The following ARHGAP15 variants were observed in gnomAD, a reference collection of about 807,000 sequenced individuals.
The protein encoded by ARHGAP15 is Rho GTPase activating protein 15.
In ARHGAP15, 51 loss-of-function variants were observed where a neutral mutation model predicts 63.7. That is an observed-to-expected ratio of 0.80 (90% confidence interval 0.64 to 1.01). The LOEUF (loss-of-function observed/expected upper bound fraction) is 1.01. Among genes scored for constraint, ARHGAP15 ranks in the 50% least tolerant of loss-of-function variants. ARHGAP15 has a pLI of 0.00. For missense variants in ARHGAP15, 560 were observed against 564.6 expected, an observed-to-expected ratio of 0.99 and a Z score of 0.08; for synonymous variants, 191 against 193.8, an observed-to-expected ratio of 0.99 and a Z score of 0.12.
chr2:143,280,650 CA>C (rs1275304969), intron 6 of ARHGAP15, among the ~76,000 whole-genome samples: 2 of 152,120 alleles, frequency 1.3e-5, no homozygotes, highest in Non-Finnish European at 2.9e-5. Flanking sequence ...CTTCATTCAT[CA>C]AAATGTATTA....
chr2:143,549,357 A>T (rs542490566), intron 10 of ARHGAP15, among the ~76,000 whole-genome samples: 1 of 152,344 alleles, frequency 6.6e-6, no homozygotes, highest in South Asian at 2.1e-4. Context: ...AAAAGGTGCC[A>T]TCAGCAGATG....
At chr2:143,689,508 A>G (rs978158735) in intron 12 of ARHGAP15, among the ~76,000 whole-genome samples, 1 of 152,180 alleles carries the variant, frequency 6.6e-6, no homozygotes, top group Non-Finnish European at 1.5e-5. Context: ...AAATGTAGAA[A>G]TGTATGCAAC....
At chr2:143,287,326 G>A (rs753964047) in intron 6 of ARHGAP15, among the ~76,000 whole-genome samples, 2 of 152,156 alleles carry the variant, frequency 1.3e-5, no homozygotes, top group Non-Finnish European at 2.9e-5. Context: ...CTTAGGACAA[G>A]CGCTTTCTTC....
At chr2:143,523,720 C>A (rs1694150985) in intron 10 of ARHGAP15, among the ~76,000 whole-genome samples, 1 of 152,070 alleles carries the variant, frequency 6.6e-6, no homozygotes, top group Non-Finnish European at 1.5e-5. Flanking sequence ...GATTAGCATT[C>A]ATTTGGAATA....
At chr2:143,308,010 T>C (rs536590986) in intron 6 of ARHGAP15, among the ~76,000 whole-genome samples, 1 of 152,228 alleles carries the variant, frequency 6.6e-6, no homozygotes, top group African/African-American at 2.4e-5. Flanking sequence ...CACAACCTCT[T>C]TCCTCAAACA....
intron 6 of ARHGAP15, among the ~76,000 whole-genome samples, chr2:143,304,317 A>C (rs1157122287): frequency 6.6e-6 from 1 of 152,164 alleles, no homozygotes; most frequent in Non-Finnish European, 1.5e-5. Context: ...ACATGGATGA[A>C]GCTGGAAACC....
chr2:143,313,042 T>C (rs990466451), intron 6 of ARHGAP15, among the ~76,000 whole-genome samples: 1 of 152,126 alleles, frequency 6.6e-6, no homozygotes, highest in Non-Finnish European at 1.5e-5. Context: ...TGTAATACTG[T>C]ATTTTAAATG....
At chr2:143,291,653 C>A (rs922238516) in intron 6 of ARHGAP15, among the ~76,000 whole-genome samples, 1 of 152,104 alleles carries the variant, frequency 6.6e-6, no homozygotes, top group African/African-American at 2.4e-5. Context: ...TTATCTTCCT[C>A]TCTTGCCACT....
At chr2:143,622,672 T>C (rs1698683863) in intron 11 of ARHGAP15, among the ~76,000 whole-genome samples, 1 of 151,334 alleles carries the variant, frequency 6.6e-6, no homozygotes, top group East Asian at 1.9e-4. Flanking sequence ...AAAGGGAAGA[T>C]TAGCCCGTCT....
chr2:143,291,976 G>A (rs1401298928), intron 6 of ARHGAP15, among the ~76,000 whole-genome samples: 1 of 152,066 alleles, frequency 6.6e-6, no homozygotes, highest in Non-Finnish European at 1.5e-5. Flanking sequence ...TAGAAACTGG[G>A]AAGTTTTAAG....
At chr2:143,141,328 T>C (rs1407017030) in intron 1 of ARHGAP15, among the ~76,000 whole-genome samples, 1 of 152,076 alleles carries the variant, frequency 6.6e-6, no homozygotes, top group Non-Finnish European at 1.5e-5. Context: ...AACCAGTTGG[T>C]ATTAGGGCAT....
At chr2:143,242,566 T>G (rs1053969153) in intron 5 of ARHGAP15, among the ~76,000 whole-genome samples, 1 of 152,172 alleles carries the variant, frequency 6.6e-6, no homozygotes, top group African/African-American at 2.4e-5. Context: ...AAAAAGCACA[T>G]AACATTCTAG....
intron 6 of ARHGAP15, among the ~76,000 whole-genome samples, chr2:143,426,823 A>G (rs981639273): frequency 1.3e-5 from 2 of 152,176 alleles, no homozygotes; most frequent in African/African-American, 4.8e-5. Context: ...TTGAAGATTA[A>G]AGCACAGATT....
At chr2:143,672,195 TAGAG>T (rs1397689781) in intron 12 of ARHGAP15, among the ~76,000 whole-genome samples, 3 of 152,088 alleles carry the variant, frequency 2.0e-5, no homozygotes, top group Non-Finnish European at 2.9e-5. Context: ...GTATAAAATA[TAGAG>T]AGAGTCATTA....
chr2:143,589,090 G>A (rs1229658126), intron 11 of ARHGAP15, among the ~76,000 whole-genome samples: 1 of 152,158 alleles, frequency 6.6e-6, no homozygotes, highest in Non-Finnish European at 1.5e-5. Context: ...AACTTGCAGA[G>A]TTCAAGCATC....
At chr2:143,482,957 A>G (rs1179664040) in intron 8 of ARHGAP15, among the ~76,000 whole-genome samples, 2 of 152,228 alleles carry the variant, frequency 1.3e-5, no homozygotes, top group African/African-American at 2.4e-5. Flanking sequence ...TATTTACGGC[A>G]TCAGGAAATG....
At chr2:143,438,882 T>C (rs1245198320) in intron 8 of ARHGAP15, among the ~76,000 whole-genome samples, 1 of 152,164 alleles carries the variant, frequency 6.6e-6, no homozygotes, top group East Asian at 1.9e-4. Context: ...TTAGATATAA[T>C]TGCTGGTTCA....
At chr2:143,256,658 G>A (rs577732522) in intron 6 of ARHGAP15, among the ~76,000 whole-genome samples, 43 of 152,100 alleles carry the variant, frequency 2.8e-4, no homozygotes, top group South Asian at 1.2e-3. Flanking sequence ...GTACAATACT[G>A]TTTTTCTGAT....
chr2:143,457,653 G>A (rs894156235), intron 8 of ARHGAP15, among the ~76,000 whole-genome samples: 7 of 150,762 alleles, frequency 4.6e-5, no homozygotes, highest in Non-Finnish European at 7.4e-5. Flanking sequence ...AATACCCACA[G>A]TATTTATTAT....
Sources: gnomAD v4.1 joint callset for allele counts (sites outside exome capture counted in the v4.1 genomes callset) on GRCh38, gnomAD v4.1.1 for gene constraint, MANE v1.5 for transcripts, NCBI Gene and HGNC (gene_info 2026-07-23, HGNC 2026-07-21) for gene names.